The following OR6C1 variants were observed in gnomAD, a reference collection of about 807,000 sequenced individuals.
OR6C1 encodes the protein olfactory receptor 6C1.
For missense variants in OR6C1, 386 were observed against 366.1 expected, an observed-to-expected ratio of 1.05 and a Z score of -0.44; for synonymous variants, 157 against 133.3, an observed-to-expected ratio of 1.18 and a Z score of -1.22.
In OR6C1 at chr12:55,321,740, T is replaced by C. The variant is rs1309295379; in HGVS notation, c.*202T>C. On this transcript the variant is annotated 3_prime_UTR_variant, in exon 2 of 2. Transcript: ENST00000642104. ...TCCTGACACCCCCTCCTTTGAACAA[T>C]TTTTTGTAAAATTACAAGCTCTTCA... 2.5e-6 allele frequency: 1 copy of C among 407,428 alleles called. No homozygotes were observed. Among genetic ancestry groups the C allele is most frequent in the Non-Finnish European group, 4.3e-6 (1 of 231,120 alleles). 25.2% of individuals were successfully genotyped at this position (407,428 alleles called of 1,614,324 possible).
At chr12:55,318,058 C>T (rs1868443065) in intron 1 of OR6C1, among the ~76,000 whole-genome samples, 1 of 151,080 alleles carries the variant, frequency 6.6e-6, no homozygotes, top group Non-Finnish European at 1.5e-5. Flanking sequence ...TGCACACTCA[C>T]ATATGTATAT....
intron 1 of OR6C1, among the ~76,000 whole-genome samples, chr12:55,319,398 G>A (rs549309109): frequency 1.1e-4 from 16 of 152,164 alleles, no homozygotes; most frequent in African/African-American, 3.4e-4. Context: ...AAACATCTTA[G>A]GTGGTAACCA....
At position 55,320,866 on chromosome 12, in the gene OR6C1, C is replaced by G; in HGVS notation, c.267C>G (p.Thr89=). ...FLGNIISGDK[T]ISFNNCIVQL... ...GTAACATTATTTCAGGAGATAAAAC[C>G]ATTTCCTTTAATAATTGCATAGTTC... The change falls in exon 2 of 2, where the codon ACC becomes ACG. Residue 89 remains threonine (T), a synonymous_variant. Coordinates refer to ENST00000642104, the MANE Select transcript of OR6C1 (RefSeq NM_001005182.2). 2 of 1,613,642 alleles carry G rather than the reference C, an allele frequency of 1.2e-6. No homozygotes were observed. The highest frequency in any genetic ancestry group is 1.7e-6 in the Non-Finnish European group (2 of 1,179,664).
intron 1 of OR6C1, among the ~76,000 whole-genome samples, chr12:55,316,861 A>AT (rs200691400): frequency 3.2e-4 from 48 of 151,652 alleles, no homozygotes; most frequent in Admixed American, 2.0e-4. Flanking sequence ...GGAAGTGTCT[A>AT]TTTTTTTTGT....
rs779881091 is a variant in OR6C1 at position 55,321,088 on chromosome 12, G to A, written c.489G>A (p.Lys163=). Residue 163 remains lysine, a synonymous_variant, in exon 2 of 2, where the codon AAG becomes AAA. Transcript: ENST00000642104. Reference sequence around the variant, plus strand: ...TCCCAGCACTCATGTTGCTTTTAAAGCTTCATTACTGTAGGTCTAATATTA... The same window carrying A: ...TCCCAGCACTCATGTTGCTTTTAAAACTTCATTACTGTAGGTCTAATATTA... The part of the protein sequence containing the change: ...IIFPALMLLL[K]LHYCRSNIID... 6.2e-6 allele frequency: 10 copies of A among 1,613,348 alleles called. No homozygotes were observed. Among genetic ancestry groups the A allele is most frequent in the East Asian group, 4.5e-5 (2 of 44,836 alleles).
intron 1 of OR6C1, among the ~76,000 whole-genome samples, chr12:55,319,744 T>C (rs1868489836): frequency 6.6e-6 from 1 of 152,178 alleles, no homozygotes; most frequent in Non-Finnish European, 1.5e-5. Context: ...GTGTGCTTTT[T>C]CCCACCTGGC....
intron 1 of OR6C1, among the ~76,000 whole-genome samples, chr12:55,319,692 G>A (rs1005968137): frequency 5.9e-5 from 9 of 152,128 alleles, no homozygotes; most frequent in Admixed American, 2.6e-4. Flanking sequence ...CAGCAGTCAG[G>A]CTTACACAGA....
At position 55,321,287 on chromosome 12, in the gene OR6C1, A is replaced by G. The variant is rs151300456; in HGVS notation, c.688A>G (p.Ser230Gly). 7.0e-5 allele frequency: 113 copies of G among 1,613,232 alleles called. No individual in the cohort carries two copies. Among genetic ancestry groups the G allele is most frequent in the Admixed American group, 1.0e-4 (6 of 59,976 alleles). Residue 230 changes from serine (S) to glycine (G), a missense_variant, in exon 2 of 2, where the codon AGT (serine) becomes GGT (glycine). Coordinates refer to ENST00000642104, the MANE Select transcript of OR6C1 (RefSeq NM_001005182.2). ...IRTILRIPST[S>G]QRTKAFSTCS... ...AACAATTTTGAGAATTCCTTCTACT[A>G]GTCAGAGGACAAAGGCCTTTTCCAC... is the stretch of plus-strand genomic sequence containing the variant.
chr12:55,320,301 T>C (rs1410773715), intron 1 of OR6C1, among the ~76,000 whole-genome samples: 1 of 152,126 alleles, frequency 6.6e-6, no homozygotes, highest in African/African-American at 2.4e-5. Flanking sequence ...ATAACAGGTA[T>C]TATGTGGAGT....
At position 55,315,620 on chromosome 12, in the gene OR6C1, G is replaced by A. The variant is rs79541561; in HGVS notation, c.-34+1021G>A. ...AAATATAAATTATTCCTATTTCTCC[G>A]GGGAAATAGTCATCTAAAATTGTTA... is the stretch of plus-strand genomic sequence containing the variant. On this transcript the variant is annotated intron_variant, in intron 1 of 1. Transcript: ENST00000642104. Among the ~76,000 whole-genome samples, 276 of 151,526 alleles carry A rather than the reference G, an allele frequency of 1.8e-3. 4 individuals are homozygous for A. In the East Asian group the frequency reaches 0.038, roughly 21 times the overall value.
Position 55,321,053 on chromosome 12 carries a change from T to G in OR6C1, c.454T>G (p.Leu152Val), listed in dbSNP as rs368854408. ...TTTTACTTCTTGGCTGGTTTCATTC[T>G]TAATCATATTCCCAGCACTCATGTT... ...LVFTSWLVSF[L>V]IIFPALMLLL... The change falls in exon 2 of 2, where the codon TTA (leucine) becomes GTA (valine). Residue 152 changes from leucine to valine, a missense_variant. By Grantham distance (32) the Leu-to-Val change is conservative. Transcript: ENST00000642104. 1.2e-6 allele frequency: 2 copies of G among 1,613,634 alleles called. No individual in the cohort carries two copies. The highest frequency in any genetic ancestry group is 1.7e-6 in the Non-Finnish European group (2 of 1,179,824).
chr12:55,319,952 C>A (rs1301832250), intron 1 of OR6C1, among the ~76,000 whole-genome samples: 5 of 152,108 alleles, frequency 3.3e-5, no homozygotes, highest in African/African-American at 4.8e-5. Context: ...ACCAGCCTGA[C>A]CAGCATGGCG....
At chr12:55,319,237 T>C (rs1397181380) in intron 1 of OR6C1, among the ~76,000 whole-genome samples, 1 of 152,188 alleles carries the variant, frequency 6.6e-6, no homozygotes, top group African/African-American at 2.4e-5. Flanking sequence ...CTCTTCTGTA[T>C]TCCAAACATC....
At chr12:55,318,221 AGTGT>A (rs71070867) in intron 1 of OR6C1, among the ~76,000 whole-genome samples, 6,941 of 128,558 alleles carry the variant, frequency 0.054, 156 homozygotes, top group Middle Eastern at 0.13. Flanking sequence ...AGATAAGTGG[AGTGT>A]GTGTGTGTGT....
Position 55,321,312 on chromosome 12 carries a change from C to A in OR6C1, c.713C>A (p.Thr238Lys). 6.2e-7 allele frequency: 1 copy of A among 1,613,126 alleles called. No homozygotes were observed. Among genetic ancestry groups the A allele is most frequent in the Non-Finnish European group, 8.5e-7 (1 of 1,179,148 alleles). The stretch of plus-strand genomic sequence containing the variant: ...AGTCAGAGGACAAAGGCCTTTTCCA[C>A]ATGTTCTTCCCACATGGTTGTTGTC... ...STSQRTKAFS[T>K]CSSHMVVVSI... Residue 238 changes from threonine (T) to lysine (K), a missense_variant, in exon 2 of 2, where the codon ACA becomes AAA. Transcript: ENST00000642104.
rs1555172683 is a variant in OR6C1 at position 55,318,264 on chromosome 12, G to GT, written c.-33-2303_-33-2302insT. ...TGTGTGTGTGTGTGTGTGTGTGTGTGGTGGTGGTGGTTATGAGGTGAAAGA... is the reference window on the plus strand; with the variant it reads ...TGTGTGTGTGTGTGTGTGTGTGTGTGTGTGGTGGTGGTTATGAGGTGAAAGA... On this transcript the variant is annotated intron_variant, in intron 1 of 1. Coordinates refer to ENST00000642104, the MANE Select transcript of OR6C1 (RefSeq NM_001005182.2). 2.4e-3 allele frequency among the ~76,000 whole-genome samples: 314 copies of GT among 132,842 alleles called. 4 individuals are homozygous for GT. Among genetic ancestry groups the GT allele is most frequent in the African/African-American group, 0.01 (299 of 29,786 alleles). 87.1% of individuals were successfully genotyped at this position (132,842 alleles called of 152,430 possible). A position where few individuals can be genotyped will look rare whatever the true frequency, so the allele number is the denominator to read the frequency against.
Position 55,321,427 on chromosome 12 carries a change from C to T in OR6C1, c.828C>T (p.Asn276=). 4 of 1,613,744 alleles carry T rather than the reference C, an allele frequency of 2.5e-6. No individual in the cohort carries two copies. The highest frequency in any genetic ancestry group is 3.4e-6 in the Non-Finnish European group (4 of 1,179,712). The change falls in exon 2 of 2, where the codon AAC becomes AAT. Residue 276 remains asparagine (N), a synonymous_variant. Transcript: ENST00000642104. Reference sequence around the variant, plus strand: ...TGAGCAAGGGAGTGGCAATACTAAACACCTCAGTAGCCCCCATGATGAACC... The same window carrying T: ...TGAGCAAGGGAGTGGCAATACTAAATACCTCAGTAGCCCCCATGATGAACC... ...VSLSKGVAIL[N]TSVAPMMNPF...
intron 1 of OR6C1, among the ~76,000 whole-genome samples, chr12:55,319,645 T>C (rs1868487673): frequency 6.6e-6 from 1 of 152,184 alleles, no homozygotes; most frequent in African/African-American, 2.4e-5. Flanking sequence ...TCAGCAGCTA[T>C]TAGATAACAC....
Position 55,321,437 on chromosome 12 carries a change from G to A in OR6C1, c.838G>A (p.Ala280Thr). 1.2e-6 allele frequency: 2 copies of A among 1,613,748 alleles called. No individual in the cohort carries two copies. Among genetic ancestry groups the A allele is most frequent in the South Asian group, 2.2e-5 (2 of 91,066 alleles). The change falls in exon 2 of 2, where the codon GCC (alanine) becomes ACC (threonine). Residue 280 changes from alanine to threonine, a missense_variant. Coordinates refer to ENST00000642104, the MANE Select transcript of OR6C1 (RefSeq NM_001005182.2). ...AGTGGCAATACTAAACACCTCAGTA[G>A]CCCCCATGATGAACCCCTTTATTTA... ...KGVAILNTSV[A>T]PMMNPFIYSL...
Sources: allele counts gnomAD v4.1 joint callset (sites outside exome capture counted in the v4.1 genomes callset), GRCh38; gene constraint gnomAD v4.1.1; transcripts MANE v1.5; gene names NCBI Gene and HGNC (gene_info 2026-07-23, HGNC 2026-07-21).